Variants in DSTYK observed in about 807,000 individuals in gnomAD.
DSTYK encodes RIP-homologous kinase.
A neutral mutation model predicts 98.7 loss-of-function variants in DSTYK; 34 were observed. The ratio of observed to expected loss-of-function variants is 0.34; its 90% CI spans 0.26 to 0.46. The LOEUF is 0.46. Among genes scored for constraint, DSTYK ranks in the 20% least tolerant of loss-of-function variants. DSTYK has a pLI of 1.00. For missense variants in DSTYK, 962 were observed against 1,181.7 expected (o/e 0.81, Z 2.73); for synonymous variants, 462 against 457.3 (o/e 1.01, Z -0.13).
chr1:205,148,123 G>A (rs1657297343), intron 12 of DSTYK, 82 bp downstream of exon 12: 4 of 1,569,028 alleles, frequency 2.5e-6, no homozygotes, highest in South Asian at 1.1e-5. Flanking sequence ...CAGATGGGAT[G>A]ACAGGAGACC....
intron 1 of DSTYK, among the ~76,000 whole-genome samples, chr1:205,190,800 A>G (rs917594189): frequency 5.3e-5 from 8 of 152,290 alleles, no homozygotes; most frequent in Non-Finnish European, 1.2e-4. Flanking sequence ...CTACGCATGA[A>G]TGCATACTGA....
chr1:205,154,202 G>C (rs115315450), intron 10 of DSTYK, among the ~76,000 whole-genome samples: 3,474 of 152,084 alleles, frequency 0.023, 75 homozygotes, highest in Middle Eastern at 0.034. Context: ...TTTCAAAACA[G>C]TGTAGGGGGA....
chr1:205,176,476 TAAAAAAAAAA>T (rs61291677), intron 2 of DSTYK, among the ~76,000 whole-genome samples: 6 of 43,202 alleles, frequency 1.4e-4, no homozygotes, highest in African/African-American at 2.8e-4. Flanking sequence ...AACTCCCTCT[TAAAAAAAAAA>T]AAAAAAAAAA....
rs562111249 is a variant in DSTYK at position 205,206,890 on chromosome 1, C to T, written c.265+4381G>A. Among the ~76,000 whole-genome samples the T allele has an allele frequency of 2.0e-5, 3 of 151,778 alleles. No homozygotes were observed. In the South Asian group the frequency reaches 6.2e-4, roughly 32 times the overall value. On this transcript the variant is annotated intron_variant, in intron 1 of 12. Transcript: ENST00000367162. The stretch of plus-strand genomic sequence containing the variant: ...GCCCAGGTCCTGTTCTAAACATGCA[C>T]ATAGATTCACTCCCAAGAACTCTAG...
intron 1 of DSTYK, among the ~76,000 whole-genome samples, chr1:205,210,490 C>G (rs1359646047): frequency 6.6e-6 from 1 of 152,196 alleles, no homozygotes; most frequent in East Asian, 1.9e-4. Flanking sequence ...TCCCCACCAA[C>G]AGCAGTTTAA....
intron 3 of DSTYK, among the ~76,000 whole-genome samples, chr1:205,167,417 G>A (rs897294242): frequency 6.6e-6 from 1 of 152,064 alleles, no homozygotes; most frequent in African/African-American, 2.4e-5. Context: ...AAAAAAGAAG[G>A]AGAAAATTAA....
intron 3 of DSTYK, among the ~76,000 whole-genome samples, chr1:205,164,337 T>C (rs371357451): frequency 6.6e-6 from 1 of 151,362 alleles, no homozygotes; most frequent in Non-Finnish European, 1.5e-5. Context: ...ACCTAGGAAG[T>C]AGAGGCTACA....
At chr1:205,160,630 TG>T (rs1479649348) in intron 7 of DSTYK, among the ~76,000 whole-genome samples, 1 of 151,824 alleles carries the variant, frequency 6.6e-6, no homozygotes, top group Non-Finnish European at 1.5e-5. Flanking sequence ...GCCACCATGC[TG>T]GCCCTGTAAC....
At chr1:205,163,041 A>C (rs1393509819) in intron 4 of DSTYK, 35 bp from the exon 5 acceptor site, 1 of 1,540,160 alleles carries the variant, frequency 6.5e-7, no homozygotes, top group Non-Finnish European at 9.0e-7. Flanking sequence ...ACATGTCCTC[A>C]GTAGTGTGGC....
At position 205,187,467 on chromosome 1, in the gene DSTYK, G is replaced by A; in HGVS notation, c.605C>T (p.Ala202Val). The change falls in exon 2 of 13, where the codon GCT becomes GTT. Residue 202 changes from alanine (A) to valine (V), a missense_variant. Physicochemically the swap from Ala to Val is moderately conservative, Grantham distance 64. Transcript: ENST00000367162. ...LEVQENNEDA[A>V]HVLAELEVTM... ...TACCTCCAGTTCCGCTAAAACATGA[G>A]CAGCATCCTCATTGTTCTCTTGGAC... The A allele has an allele frequency of 6.2e-7, 1 of 1,614,158 alleles. No individual in the cohort carries two copies. Among genetic ancestry groups the A allele is most frequent in the African/African-American group, 1.3e-5 (1 of 75,034 alleles).
intron 2 of DSTYK, among the ~76,000 whole-genome samples, chr1:205,170,605 A>T (rs1658030652): frequency 6.6e-6 from 1 of 152,202 alleles, no homozygotes; most frequent in African/African-American, 2.4e-5. Flanking sequence ...GAGTCTGTAG[A>T]TATCCCGAAG....
At chr1:205,191,207 T>C (rs1349885255) in intron 1 of DSTYK, among the ~76,000 whole-genome samples, 2 of 152,262 alleles carry the variant, frequency 1.3e-5, no homozygotes, top group Non-Finnish European at 2.9e-5. Context: ...ATCACCGTCT[T>C]TGTTTTCCAA....
chr1:205,206,793 C>T (rs1659216615), intron 1 of DSTYK, among the ~76,000 whole-genome samples: 1 of 151,968 alleles, frequency 6.6e-6, no homozygotes, highest in African/African-American at 2.4e-5. Context: ...GTCTCAAACT[C>T]CTGACCTCAA....
Position 205,143,343 on chromosome 1 carries a change from T to C in DSTYK, c.*4215A>G, listed in dbSNP as rs560654424. On this transcript the variant is annotated 3_prime_UTR_variant, in exon 13 of 13. Transcript: ENST00000367162. ...TTCTATTTTTAATAGAGACGGGGTT[T>C]CACCATGTTACCAGGCTGGTCTCGA... is the stretch of plus-strand genomic sequence containing the variant. 3 of 152,062 alleles carry C rather than the reference T, an allele frequency of 2.0e-5. No homozygotes were observed. The highest frequency in any genetic ancestry group is 4.4e-5 in the Non-Finnish European group (3 of 68,018). 9.4% of individuals were successfully genotyped at this position (152,062 alleles called of 1,614,324 possible).
intron 2 of DSTYK, among the ~76,000 whole-genome samples, chr1:205,175,329 T>C (rs1574773595): frequency 6.6e-6 from 1 of 151,780 alleles, no homozygotes; most frequent in East Asian, 1.9e-4. Context: ...CCTGACCTCG[T>C]GATCCGCCTG....
At chr1:205,203,984 T>C (rs1047336417) in intron 1 of DSTYK, among the ~76,000 whole-genome samples, 2 of 151,966 alleles carry the variant, frequency 1.3e-5, no homozygotes, top group East Asian at 1.9e-4. Flanking sequence ...GAAAGGAAGA[T>C]TCGGAAGGAG....
At chr1:205,155,672 A>T (rs938202077) in intron 10 of DSTYK, among the ~76,000 whole-genome samples, 1 of 152,082 alleles carries the variant, frequency 6.6e-6, no homozygotes, top group Non-Finnish European at 1.5e-5. Flanking sequence ...AAATTTTTAA[A>T]AAAAAGAAAG....
chr1:205,154,924 G>A (rs909805951), intron 10 of DSTYK, among the ~76,000 whole-genome samples: 1 of 152,078 alleles, frequency 6.6e-6, no homozygotes, highest in Admixed American at 6.6e-5. Context: ...AGAGATCCGT[G>A]GAACTTGAAC....
At chr1:205,153,878 T>C (rs1574748805) in intron 10 of DSTYK, among the ~76,000 whole-genome samples, 1 of 151,064 alleles carries the variant, frequency 6.6e-6, no homozygotes, top group Admixed American at 6.6e-5. Flanking sequence ...TTTTTTTTTT[T>C]TTTTTTTGTA....
Sources: allele counts gnomAD v4.1 joint callset (sites outside exome capture counted in the v4.1 genomes callset), GRCh38; gene constraint gnomAD v4.1.1; transcripts MANE v1.5; gene names NCBI Gene and HGNC (gene_info 2026-07-23, HGNC 2026-07-21).